The following GARNL3 variants were observed in gnomAD, a reference collection of about 807,000 sequenced individuals.
GARNL3 encodes the protein GTPase activating Rap/RanGAP domain like 3.
In GARNL3, 63 loss-of-function variants were observed where a neutral mutation model predicts 125.0. That is an observed-to-expected ratio of 0.50 (90% confidence interval 0.41 to 0.62). The LOEUF is 0.62. Among genes scored for constraint, GARNL3 ranks in the 20% least tolerant of loss-of-function variants. The pLI is 0.00. For missense variants in GARNL3, 994 were observed against 1,244.0 expected (o/e 0.80, Z 3.02); for synonymous variants, 439 against 457.5 (o/e 0.96, Z 0.52).
chr9:127,326,588 C>T (rs973790058), intron 7 of GARNL3, among the ~76,000 whole-genome samples: 2 of 152,140 alleles, frequency 1.3e-5, no homozygotes, highest in Non-Finnish European at 2.9e-5. Flanking sequence ...ATATATAATA[C>T]ACCTAATATA....
At position 127,336,209 on chromosome 9, in the gene GARNL3, C is replaced by G; in HGVS notation, c.955C>G (p.Pro319Ala). The change falls in exon 11 of 28, where the codon CCT becomes GCT. Residue 319 changes from proline (P) to alanine (A), a missense_variant. Pro to Ala is a conservative substitution (Grantham distance 27). Transcript: ENST00000373387. The stretch of plus-strand genomic sequence containing the variant: ...AGAGGAATCTTCTCCTGCCTTTAAG[C>G]CTTCCATGATCCGCTCCCACTTTAC... The part of the protein sequence containing the change: ...EGEESSPAFK[P>A]SMIRSHFTHI... The G allele has an allele frequency of 6.2e-7, 1 of 1,613,590 alleles. No individual in the cohort carries two copies. Among genetic ancestry groups the G allele is most frequent in the Non-Finnish European group, 8.5e-7 (1 of 1,179,520 alleles).
chr9:127,231,231 T>G (rs920997940), intron 1 of GARNL3, among the ~76,000 whole-genome samples: 7 of 136,836 alleles, frequency 5.1e-5, no homozygotes, highest in South Asian at 2.3e-4. Flanking sequence ...ATTTTTTGTT[T>G]TTTTTTTTTT....
At chr9:127,310,600 C>T (rs991175746) in intron 2 of GARNL3, among the ~76,000 whole-genome samples, 3 of 151,916 alleles carry the variant, frequency 2.0e-5, no homozygotes, top group South Asian at 2.1e-4. Flanking sequence ...CATGGTAAAC[C>T]GCATCTCTAC....
At chr9:127,316,540 G>A (rs1284842760) in intron 4 of GARNL3, among the ~76,000 whole-genome samples, 2 of 152,102 alleles carry the variant, frequency 1.3e-5, no homozygotes, top group Non-Finnish European at 1.5e-5. Context: ...AGAAGAACTC[G>A]GGTTTCAATG....
At chr9:127,367,350 C>T (rs978047822) in intron 22 of GARNL3, 21 of 152,102 alleles carry the variant, frequency 1.4e-4, no homozygotes, top group African/African-American at 5.1e-4. Flanking sequence ...TGATTTGTAT[C>T]ATTGAAGTTT....
intron 1 of GARNL3, chr9:127,224,809 A>C (rs963134921): frequency 6.8e-6 from 1 of 147,106 alleles, no homozygotes; most frequent in Non-Finnish European, 1.5e-5. Context: ...AGTCGAGGTT[A>C]GGGTGGGCGT....
rs149328197 is a variant in GARNL3, at chr9:127,338,116, A to G, written c.983A>G (p.His328Arg). ...TTAGTTCCCTTAACCATCACCACAG[A>G]TATTTTTGCCTTAGTGAGATACAAT... ...KPSMIRSHFT[H>R]IFALVRYNQQ... is the part of the protein sequence containing the mutation. Residue 328 changes from histidine (H) to arginine (R), a missense_variant and splice_region_variant, in exon 12 of 28, where the codon CAT (histidine) becomes CGT (arginine). Physicochemically the swap from His to Arg is conservative, Grantham distance 29 (BLOSUM62 0). This residue lies in a region of GARNL3 where 728 missense variants were observed against 865.7 expected (regional missense o/e 0.84). Coordinates refer to ENST00000373387, the MANE Select transcript of GARNL3 (RefSeq NM_032293.5). 6 of 1,609,208 alleles carry G rather than the reference A, an allele frequency of 3.7e-6. No individual in the cohort carries two copies. The African/African-American group carries it at 4.0e-5, about 11-fold the overall frequency.
At chr9:127,359,455 A>T (rs1243603608) in intron 21 of GARNL3, among the ~76,000 whole-genome samples, 1 of 151,508 alleles carries the variant, frequency 6.6e-6, no homozygotes, top group Non-Finnish European at 1.5e-5. Context: ...GTGCCACTGC[A>T]CTCCAGCCTG....
At position 127,244,639 on chromosome 9, in the gene GARNL3, T is replaced by C. The variant is rs144550982; in HGVS notation, c.143+1390T>C. Among the ~76,000 whole-genome samples, 461 of 152,326 alleles carry C rather than the reference T, an allele frequency of 3.0e-3. 4 individuals are homozygous for C. The highest frequency in any genetic ancestry group is 0.011 in the African/African-American group (440 of 41,574). On this transcript the variant is annotated intron_variant, in intron 2 of 10. Transcript: ENST00000439286. Reference sequence around the variant, plus strand: ...CAAATAAGTGAATAAAAAATAATTATGAAGCACCTTATATGCCTAGCTCAG... The same window carrying C: ...CAAATAAGTGAATAAAAAATAATTACGAAGCACCTTATATGCCTAGCTCAG...
intron 18 of GARNL3, 72 bp from the exon 19 acceptor site, chr9:127,354,222 T>G (rs766716282): frequency 1.5e-5 from 16 of 1,098,020 alleles, no homozygotes; most frequent in African/African-American, 7.8e-5. Flanking sequence ...CTACACAGTC[T>G]GCCCCTGGAG....
intron 16 of GARNL3, among the ~76,000 whole-genome samples, chr9:127,347,535 C>T (rs976840239): frequency 6.6e-6 from 1 of 152,158 alleles, no homozygotes; most frequent in African/African-American, 2.4e-5. Context: ...GCCCTTGAAT[C>T]TTATGGGGGA....
At chr9:127,310,879 T>G (rs962491975) in intron 2 of GARNL3, among the ~76,000 whole-genome samples, 2 of 152,194 alleles carry the variant, frequency 1.3e-5, no homozygotes, top group East Asian at 3.8e-4. Context: ...GAACTATAAT[T>G]TTGTATCAGT....
At position 127,381,658 on chromosome 9, in the gene GARNL3, G is replaced by A. The variant is rs368685898; in HGVS notation, c.2162-1780G>A. The stretch of plus-strand genomic sequence containing the variant: ...GTCACCCAGGCTGGAGTGCAGTGGC[G>A]TGATCTCGGCTCACTGCAAGCTCCG... On this transcript the variant is annotated intron_variant, in intron 22 of 27. Transcript: ENST00000373387. Among the ~76,000 whole-genome samples, 699 of 152,124 alleles carry A rather than the reference G, an allele frequency of 4.6e-3. 3 individuals carry two copies. Among genetic ancestry groups the A allele is most frequent in the Middle Eastern group, 0.027 (8 of 292 alleles).
intron 9 of GARNL3, among the ~76,000 whole-genome samples, chr9:127,333,756 C>T (rs959870230): frequency 6.6e-5 from 10 of 152,000 alleles, no homozygotes; most frequent in Admixed American, 1.3e-4. Context: ...CTGGAGGGAA[C>T]GAGGCACTGA....
rs923197778 is a variant in GARNL3, at chr9:127,242,508, T to C, written c.-28-571T>C. Among the ~76,000 whole-genome samples the C allele has an allele frequency of 2.6e-5, 4 of 152,222 alleles. No individual in the cohort carries two copies. The highest frequency in any genetic ancestry group is 5.9e-5 in the Non-Finnish European group (4 of 68,036). The stretch of plus-strand genomic sequence containing the variant: ...CATCTCAGGAATGCATTTCTCAGTT[T>C]ATTCCCATGAACAAGCCATTTATTA... On this transcript the variant is annotated intron_variant, in intron 1 of 10. Coordinates refer to the GARNL3 transcript ENST00000439286. The surrounding 1 kb of genome is among the most constrained non-coding windows in gnomAD (Gnocchi z 4.6).
intron 1 of GARNL3, among the ~76,000 whole-genome samples, chr9:127,237,365 T>A (rs1337711238): frequency 1.3e-5 from 2 of 152,196 alleles, no homozygotes; most frequent in Non-Finnish European, 2.9e-5. Flanking sequence ...AATGCTTATA[T>A]CCTCTCTTTT....
chr9:127,359,383 A>G (rs1303535356), intron 21 of GARNL3, among the ~76,000 whole-genome samples: 2 of 152,202 alleles, frequency 1.3e-5, no homozygotes, highest in African/African-American at 4.8e-5. Context: ...CCAGCTACTC[A>G]GGAAGCTGAG....
chr9:127,238,178 G>A (rs1482947006), intron 1 of GARNL3, among the ~76,000 whole-genome samples: 2 of 152,118 alleles, frequency 1.3e-5, no homozygotes, highest in East Asian at 1.9e-4. Context: ...TAGTAGAGAC[G>A]GGGTTTCACC....
At chr9:127,281,749 T>G (rs1351669428) in intron 1 of GARNL3, among the ~76,000 whole-genome samples, 1 of 152,212 alleles carries the variant, frequency 6.6e-6, no homozygotes, top group African/African-American at 2.4e-5. Flanking sequence ...CTACCCATGT[T>G]TATGCCTTTT....
Sources: allele counts gnomAD v4.1 joint callset (sites outside exome capture counted in the v4.1 genomes callset), GRCh38; gene constraint gnomAD v4.1.1; regional missense constraint gnomAD v4.1.1; non-coding constraint Gnocchi (gnomAD v3.1); transcripts MANE v1.5; gene names NCBI Gene and HGNC (gene_info 2026-07-23, HGNC 2026-07-21).